Variants in BTC observed in about 807,000 individuals in gnomAD.
BTC encodes betacellulin, also known as probetacellulin.
A neutral mutation model predicts 18.1 loss-of-function variants in BTC; 13 were observed. The observed-to-expected ratio is 0.72, with a 90% CI of 0.47 to 1.14. The LOEUF is 1.14. BTC is among the 50% of genes most tolerant of loss of function. BTC has a pLI of 0.00. For synonymous variants in BTC, 83 were observed against 79.4 expected (o/e 1.05, Z -0.24); for missense variants, 247 against 224.2 (o/e 1.10, Z -0.65).
chr4:74,747,333 G>A (rs1373999270), intron 5 of BTC, among the ~76,000 whole-genome samples: 6 of 152,112 alleles, frequency 3.9e-5, no homozygotes, highest in Non-Finnish European at 7.4e-5. Flanking sequence ...CTGAAGATCC[G>A]AAGGCGAAAG....
chr4:74,794,093 C>T (rs1352517786), intron 1 of BTC, among the ~76,000 whole-genome samples, 169 bp downstream of exon 1: 1 of 152,170 alleles, frequency 6.6e-6, no homozygotes, highest in East Asian at 1.9e-4. Flanking sequence ...TGCCCAATTG[C>T]CAGATCTTTA....
chr4:74,783,014 G>T (rs973376482), intron 1 of BTC, among the ~76,000 whole-genome samples: 4 of 152,046 alleles, frequency 2.6e-5, no homozygotes, highest in African/African-American at 7.2e-5. Flanking sequence ...TTGTCAGATT[G>T]ATAGATTGCA....
At chr4:74,773,023 C>G (rs185374484) in intron 1 of BTC, among the ~76,000 whole-genome samples, 1 of 152,148 alleles carries the variant, frequency 6.6e-6, no homozygotes, top group African/African-American at 2.4e-5. Flanking sequence ...AGTACTGGGG[C>G]GGAGGTATCC....
intron 1 of BTC, among the ~76,000 whole-genome samples, chr4:74,787,903 A>T (rs1286938202): frequency 6.6e-6 from 1 of 152,196 alleles, no homozygotes; most frequent in Non-Finnish European, 1.5e-5. Context: ...GGAACAGGGA[A>T]AAAGAATCAT....
intron 3 of BTC, among the ~76,000 whole-genome samples, chr4:74,751,749 G>C (rs1467812721): frequency 6.6e-6 from 1 of 152,230 alleles, no homozygotes; most frequent in East Asian, 1.9e-4. Flanking sequence ...TACATAAAAA[G>C]TTTGGGGACA....
intron 2 of BTC, among the ~76,000 whole-genome samples, chr4:74,768,826 T>C (rs991937191): frequency 6.6e-6 from 1 of 152,200 alleles, no homozygotes. Flanking sequence ...CATCAAATTA[T>C]GGGATAATTT....
chr4:74,767,311 A>C (rs1284947796), intron 2 of BTC, among the ~76,000 whole-genome samples: 3 of 151,958 alleles, frequency 2.0e-5, no homozygotes, highest in Non-Finnish European at 1.5e-5. Context: ...TCAAAAAGCA[A>C]AGTAAAAAAT....
chr4:74,792,424 A>G (rs1446212726), intron 1 of BTC, among the ~76,000 whole-genome samples: 1 of 152,178 alleles, frequency 6.6e-6, no homozygotes, highest in Non-Finnish European at 1.5e-5. Context: ...TTAGGCCCCA[A>G]GTAGCTCATG....
intron 3 of BTC, among the ~76,000 whole-genome samples, chr4:74,753,829 A>ATT (rs1724526554): frequency 2.2e-5 from 1 of 44,616 alleles, no homozygotes; most frequent in Non-Finnish European, 4.4e-5. Context: ...CAAAAAAAGA[A>ATT]AAAAAAAATA....
At chr4:74,779,815 C>T (rs1435332565) in intron 1 of BTC, among the ~76,000 whole-genome samples, 1 of 152,056 alleles carries the variant, frequency 6.6e-6, no homozygotes, top group Non-Finnish European at 1.5e-5. Flanking sequence ...AGTAAGCCAA[C>T]CCAACTTAGC....
At chr4:74,751,477 A>G (rs1381633535) in intron 3 of BTC, among the ~76,000 whole-genome samples, 2 of 152,066 alleles carry the variant, frequency 1.3e-5, no homozygotes, top group Non-Finnish European at 2.9e-5. Context: ...ACTCTCCTCT[A>G]AATGCCCTCC....
At chr4:74,767,307 A>C (rs977443260) in intron 2 of BTC, among the ~76,000 whole-genome samples, 1 of 152,030 alleles carries the variant, frequency 6.6e-6, no homozygotes, top group Non-Finnish European at 1.5e-5. Context: ...CTATTCAAAA[A>C]GCAAAGTAAA....
At chr4:74,763,436 G>A (rs992718673) in intron 2 of BTC, among the ~76,000 whole-genome samples, 2 of 151,654 alleles carry the variant, frequency 1.3e-5, no homozygotes, top group African/African-American at 4.8e-5. Flanking sequence ...TACAGTATAT[G>A]GTCTCTATTT....
chr4:74,790,676 G>A (rs1289570672), intron 1 of BTC, among the ~76,000 whole-genome samples: 1 of 152,180 alleles, frequency 6.6e-6, no homozygotes, highest in Non-Finnish European at 1.5e-5. Context: ...CAAATTCAAG[G>A]ATAGAGTCAG....
intron 3 of BTC, among the ~76,000 whole-genome samples, chr4:74,753,673 T>C (rs1724521480): frequency 6.6e-6 from 1 of 152,170 alleles, no homozygotes; most frequent in African/African-American, 2.4e-5. Flanking sequence ...GAGTTTTGCC[T>C]GAATCTGTGC....
intron 1 of BTC, among the ~76,000 whole-genome samples, chr4:74,786,088 G>A (rs534278604): frequency 1.6e-4 from 24 of 152,286 alleles, no homozygotes; most frequent in Admixed American, 1.4e-3. Flanking sequence ...GAAGGTCAAG[G>A]AGATACCTGA....
At position 74,778,830 on chromosome 4, in the gene BTC, G is replaced by T. The variant is rs1725244877; in HGVS notation, c.65-8674C>A. ...AGGAGCTGACCAAGAGACAATGAAGGTGGCTGAAAGACTCTTAGGAGGTGC... is the reference window on the plus strand; with the variant it reads ...AGGAGCTGACCAAGAGACAATGAAGTTGGCTGAAAGACTCTTAGGAGGTGC... On this transcript the variant is annotated intron_variant, in intron 1 of 5. Transcript: ENST00000395743. 1.3e-5 allele frequency among the ~76,000 whole-genome samples: 2 copies of T among 152,144 alleles called. 1 individual carries two copies. Among genetic ancestry groups the T allele is most frequent in the South Asian group, 4.1e-4 (2 of 4,832 alleles).
intron 2 of BTC, among the ~76,000 whole-genome samples, chr4:74,763,337 C>T (rs1577955780): frequency 6.6e-6 from 1 of 152,044 alleles, no homozygotes; most frequent in Non-Finnish European, 1.5e-5. Context: ...ATTATCATAA[C>T]TCAGTGACAA....
chr4:74,767,840 A>G (rs530477261), intron 2 of BTC, among the ~76,000 whole-genome samples: 56 of 152,236 alleles, frequency 3.7e-4, no homozygotes, highest in Admixed American at 2.2e-3. Context: ...TCCACATGCA[A>G]AAGAATGAAA....
Sources: gnomAD v4.1 joint callset for allele counts (sites outside exome capture counted in the v4.1 genomes callset) on GRCh38, gnomAD v4.1.1 for gene constraint, MANE v1.5 for transcripts, NCBI Gene and HGNC (gene_info 2026-07-23, HGNC 2026-07-21) for gene names.